The following TMEM156 variants were observed in gnomAD, a reference collection of about 807,000 sequenced individuals.
TMEM156 encodes the protein transmembrane protein 156.
TMEM156 carries 28 observed loss-of-function variants against 30.5 expected under a neutral mutation model. The ratio of observed to expected loss-of-function variants is 0.92; its 90% CI spans 0.68 to 1.26. The LOEUF (loss-of-function observed/expected upper bound fraction) is 1.26. TMEM156 is among the 50% of genes most tolerant of loss of function. The probability of loss-of-function intolerance (pLI) is 0.00; values close to 1 mark genes in which losing one functional copy is unlikely to be tolerated. For missense variants in TMEM156, 351 were observed against 340.6 expected (o/e 1.03, Z -0.24); for synonymous variants, 137 against 119.9 (o/e 1.14, Z -0.93).
intron 4 of TMEM156, 58 bp from the exon 5 acceptor site, chr4:38,986,477 T>C: frequency 1.6e-6 from 2 of 1,276,406 alleles, no homozygotes; most frequent in Non-Finnish European, 2.3e-6. Flanking sequence ...TGTTAACATA[T>C]ATTCCCCATG....
chr4:38,983,202 G>A (rs570863511), intron 5 of TMEM156, among the ~76,000 whole-genome samples: 3 of 152,146 alleles, frequency 2.0e-5, no homozygotes, highest in Admixed American at 6.5e-5. Flanking sequence ...TATTTTCCAC[G>A]CTTAGTTTCC....
chr4:39,029,788 T>G (rs1040447743), intron 1 of TMEM156, among the ~76,000 whole-genome samples: 2 of 151,974 alleles, frequency 1.3e-5, no homozygotes, highest in Admixed American at 1.3e-4. Flanking sequence ...TTTTCTTCAT[T>G]TAATCAATAT....
chr4:39,013,136 A>T (rs1034674943), intron 1 of TMEM156, among the ~76,000 whole-genome samples: 1 of 150,762 alleles, frequency 6.6e-6, no homozygotes, highest in Non-Finnish European at 1.5e-5. Flanking sequence ...TCGTCTCTAT[A>T]AAAAAAATAC....
intron 6 of TMEM156, among the ~76,000 whole-genome samples, chr4:38,969,833 C>T (rs1722513659): frequency 6.6e-6 from 1 of 152,148 alleles, no homozygotes; most frequent in Admixed American, 6.5e-5. Context: ...GCTCCAGCAA[C>T]CTGCCCACCT....
chr4:38,997,445 A>T (rs893120285), intron 2 of TMEM156, among the ~76,000 whole-genome samples: 4 of 152,238 alleles, frequency 2.6e-5, no homozygotes, highest in Non-Finnish European at 4.4e-5. Context: ...TTTTTAAAAG[A>T]AGAGATACAT....
At chr4:38,968,351 T>C (rs1722440966) in intron 6 of TMEM156, among the ~76,000 whole-genome samples, 1 of 152,244 alleles carries the variant, frequency 6.6e-6, no homozygotes, top group South Asian at 2.1e-4. Flanking sequence ...CTAGGCATCA[T>C]GTCCTCTGAA....
intron 1 of TMEM156, among the ~76,000 whole-genome samples, chr4:39,006,471 G>A (rs1713745291): frequency 6.6e-6 from 1 of 151,936 alleles, no homozygotes; most frequent in African/African-American, 2.4e-5. Context: ...TTCAGTTAAA[G>A]GGAGCTCTTA....
intron 5 of TMEM156, among the ~76,000 whole-genome samples, chr4:38,973,848 T>C (rs1284363187): frequency 6.6e-6 from 1 of 152,198 alleles, no homozygotes; most frequent in African/African-American, 2.4e-5. Flanking sequence ...GAAATATATT[T>C]TATCATTTTA....
At chr4:38,975,775 C>T (rs543317201) in intron 5 of TMEM156, among the ~76,000 whole-genome samples, 1 of 152,268 alleles carries the variant, frequency 6.6e-6, no homozygotes, top group Admixed American at 6.5e-5. Flanking sequence ...ATAATCTCCT[C>T]TCCTTGAGCG....
intron 1 of TMEM156, among the ~76,000 whole-genome samples, chr4:39,003,151 T>G (rs1025522010): frequency 6.6e-6 from 1 of 152,146 alleles, no homozygotes; most frequent in Non-Finnish European, 1.5e-5. Flanking sequence ...TGTGTATAAT[T>G]TGTATTTTGA....
intron 5 of TMEM156, among the ~76,000 whole-genome samples, chr4:38,977,272 G>T (rs754202859): frequency 1.3e-5 from 2 of 152,090 alleles, no homozygotes; most frequent in Non-Finnish European, 2.9e-5. Context: ...ATTATCCAAG[G>T]AAATTAACAG....
chr4:38,998,632 G>A lies in TMEM156; in HGVS notation c.358+8C>T. 2 of 1,604,194 alleles carry A rather than the reference G, an allele frequency of 1.2e-6. No individual in the cohort carries two copies. The highest frequency in any genetic ancestry group is 2.2e-5 in the South Asian group (2 of 89,752). ...ACCATTTTATTCTCACCTTCACTTT[G>A]TGTTTACCTTTTGATGTTTGTTCCT... On this transcript the variant is annotated splice_region_variant and intron_variant, in intron 2 of 6. Transcript: ENST00000381938.
At chr4:38,989,004 A>G (rs753771548) in intron 3 of TMEM156, 34 bp from the exon 4 acceptor site, 2 of 1,595,064 alleles carry the variant, frequency 1.3e-6, no homozygotes, top group Admixed American at 3.5e-5. Context: ...AAAACCCAGT[A>G]AAATTATTCA....
chr4:39,024,795 T>C (rs994203715), intron 1 of TMEM156, among the ~76,000 whole-genome samples: 1 of 152,214 alleles, frequency 6.6e-6, no homozygotes, highest in African/African-American at 2.4e-5. Flanking sequence ...ATAACAAACC[T>C]GCACATGTAG....
At chr4:39,020,995 G>T (rs974352442) in intron 1 of TMEM156, among the ~76,000 whole-genome samples, 15 of 152,100 alleles carry the variant, frequency 9.9e-5, no homozygotes, top group Non-Finnish European at 2.9e-5. Context: ...TAGCCATCTT[G>T]GGTGTGAGAT....
intron 2 of TMEM156, among the ~76,000 whole-genome samples, chr4:38,995,627 A>T (rs1356821992): frequency 1.3e-5 from 2 of 152,214 alleles, no homozygotes; most frequent in African/African-American, 4.8e-5. Context: ...AAGCAGGAAA[A>T]TCACTTGAAT....
chr4:38,996,598 A>T (rs1405752666), intron 2 of TMEM156, among the ~76,000 whole-genome samples: 1 of 152,064 alleles, frequency 6.6e-6, no homozygotes, highest in African/African-American at 2.4e-5. Context: ...AAAAAAAAAC[A>T]TAAGCGTTGG....
intron 1 of TMEM156, among the ~76,000 whole-genome samples, chr4:39,031,902 A>C (rs865900720): frequency 0.017 from 2,039 of 118,696 alleles, 83 homozygotes; most frequent in Non-Finnish European, 0.027. Flanking sequence ...AAAAAATAAA[A>C]AAATAAAAAA....
intron 1 of TMEM156, among the ~76,000 whole-genome samples, chr4:39,001,524 T>C (rs1024629829): frequency 4.0e-5 from 6 of 150,112 alleles, no homozygotes; most frequent in Non-Finnish European, 7.4e-5. Flanking sequence ...TGGAGCACAA[T>C]GAAAGAATTA....
Sources: gnomAD v4.1 joint callset for allele counts (sites outside exome capture counted in the v4.1 genomes callset) on GRCh38, gnomAD v4.1.1 for gene constraint, MANE v1.5 for transcripts, NCBI Gene and HGNC (gene_info 2026-07-23, HGNC 2026-07-21) for gene names.